The following TIAM2 variants were observed in gnomAD, a reference collection of about 807,000 sequenced individuals.
TIAM2 encodes rho guanine nucleotide exchange factor TIAM2.
Under a neutral mutation model 152.9 loss-of-function variants are expected in TIAM2, and 80 were observed. That is an observed-to-expected ratio of 0.52 (90% confidence interval 0.44 to 0.63). The LOEUF is 0.63. TIAM2 is among the 30% of genes least tolerant of loss of function. The pLI is 0.00. For missense variants in TIAM2, 1,965 were observed against 2,120.1 expected (o/e 0.93, Z 1.44); for synonymous variants, 804 against 838.0 (o/e 0.96, Z 0.70).
At chr6:155,075,134 A>G (rs571331751) in intron 1 of TIAM2, among the ~76,000 whole-genome samples, 1 of 152,182 alleles carries the variant, frequency 6.6e-6, no homozygotes, top group East Asian at 1.9e-4. Context: ...GCGGGAAGGG[A>G]CTAAATGTAG....
intron 1 of TIAM2, among the ~76,000 whole-genome samples, chr6:155,040,856 G>A (rs1777013104): frequency 1.3e-5 from 2 of 152,244 alleles, no homozygotes; most frequent in South Asian, 4.1e-4. Context: ...AAAAAACAGA[G>A]CTTTTGGAAG....
chr6:155,144,261 C>CT (rs1053256864), intron 5 of TIAM2, among the ~76,000 whole-genome samples: 3 of 152,198 alleles, frequency 2.0e-5, no homozygotes, highest in Non-Finnish European at 2.9e-5. Flanking sequence ...GTCCTAGATA[C>CT]TTTTTGGGTC....
chr6:155,042,805 A>G (rs1013375035), intron 1 of TIAM2, among the ~76,000 whole-genome samples: 12 of 152,138 alleles, frequency 7.9e-5, no homozygotes, highest in African/African-American at 2.9e-4. Flanking sequence ...GCATTTTTCA[A>G]GTATACAACA....
At chr6:155,196,023 C>T (rs1781338872) in intron 14 of TIAM2, among the ~76,000 whole-genome samples, 1 of 152,172 alleles carries the variant, frequency 6.6e-6, no homozygotes, top group Admixed American at 6.5e-5. Flanking sequence ...GAAGTAGTGA[C>T]ATGATCTGAC....
At chr6:155,062,446 T>A (rs1053104410) in intron 1 of TIAM2, among the ~76,000 whole-genome samples, 7 of 152,200 alleles carry the variant, frequency 4.6e-5, no homozygotes, top group Non-Finnish European at 4.4e-5. Context: ...TATTATTTTG[T>A]ATTCACATCT....
At chr6:155,050,273 G>A (rs1312014438) in intron 1 of TIAM2, among the ~76,000 whole-genome samples, 1 of 152,116 alleles carries the variant, frequency 6.6e-6, no homozygotes, top group African/African-American at 2.4e-5. Flanking sequence ...TGATCCACCT[G>A]CCTCAGCCTC....
chr6:155,252,143 TA>T (rs1783700910), intron 23 of TIAM2, 140 bp downstream of exon 23: 1 of 643,848 alleles, frequency 1.6e-6, no homozygotes, highest in African/African-American at 1.8e-5. Flanking sequence ...CCCCATCACA[TA>T]CTGAGAGCGT....
chr6:155,006,378 C>T (rs987380764), intron 1 of TIAM2, among the ~76,000 whole-genome samples: 1 of 151,398 alleles, frequency 6.6e-6, no homozygotes, highest in Non-Finnish European at 1.5e-5. Context: ...TTTTTCAAAT[C>T]GGAGTCTCGA....
intron 7 of TIAM2, among the ~76,000 whole-genome samples, chr6:155,157,630 T>G (rs896030055): frequency 6.6e-5 from 10 of 152,134 alleles, no homozygotes; most frequent in African/African-American, 2.4e-4. Flanking sequence ...TCCGTATAAG[T>G]ACCGTGCACT....
chr6:155,129,327 T>G lies in TIAM2; in HGVS notation c.104T>G (p.Ile35Ser). 6.2e-7 allele frequency: 1 copy of G among 1,614,180 alleles called. No individual in the cohort carries two copies. The highest frequency in any genetic ancestry group is 8.5e-7 in the Non-Finnish European group (1 of 1,180,044). Residue 35 changes from isoleucine (I) to serine (S), a missense_variant, in exon 4 of 27, where the codon ATT (isoleucine) becomes AGT (serine). Physicochemically the swap from Ile to Ser is moderately radical, Grantham distance 142. This residue lies in a region of TIAM2 where 1,025 missense variants were observed against 1,119.4 expected (regional missense o/e 0.92). Coordinates refer to ENST00000682666, the MANE Select transcript of TIAM2 (RefSeq NM_012454.4). This position sits in a 1 kb window ranked among gnomAD's most constrained non-coding sequence, Gnocchi z 4.8. ...QIPCSLKIRG[I>S]HAKEEKSLHG... ...CCTTGCTCCCTGAAAATACGTGGCATTCATGCAAAAGAGGAAAAGTCATTG... is the reference window on the plus strand; with the variant it reads ...CCTTGCTCCCTGAAAATACGTGGCAGTCATGCAAAAGAGGAAAAGTCATTG...
At chr6:155,162,140 T>C (rs190686042) in intron 7 of TIAM2, among the ~76,000 whole-genome samples, 1 of 152,022 alleles carries the variant, frequency 6.6e-6, no homozygotes, top group East Asian at 1.9e-4. Context: ...GTATTTTTTG[T>C]AGAGACAGGA....
intron 15 of TIAM2, 68 bp from the exon 16 acceptor site, chr6:155,240,462 C>A: frequency 6.6e-7 from 1 of 1,504,884 alleles, no homozygotes; most frequent in Non-Finnish European, 9.0e-7. Context: ...CACTTGGTGC[C>A]CTTGGGGGCA....
At chr6:155,081,452 T>C (rs1262275751) in intron 1 of TIAM2, among the ~76,000 whole-genome samples, 1 of 151,956 alleles carries the variant, frequency 6.6e-6, no homozygotes, top group East Asian at 1.9e-4. Flanking sequence ...CATGCCACTT[T>C]TCAGAAATTA....
chr6:155,043,219 C>T (rs1158419315), intron 1 of TIAM2, among the ~76,000 whole-genome samples: 1 of 152,100 alleles, frequency 6.6e-6, no homozygotes. Context: ...TTCCACAGAG[C>T]CAGGGGGCTT....
At chr6:155,243,271 C>T (rs992441384) in intron 16 of TIAM2, among the ~76,000 whole-genome samples, 1 of 152,130 alleles carries the variant, frequency 6.6e-6, no homozygotes, top group African/African-American at 2.4e-5. Flanking sequence ...CAGAACTTGA[C>T]CCTCCCAGCT....
chr6:155,152,111 G>T (rs1173705577), intron 7 of TIAM2, among the ~76,000 whole-genome samples: 2 of 152,106 alleles, frequency 1.3e-5, no homozygotes, highest in African/African-American at 4.8e-5. Flanking sequence ...CCAAAGTGCT[G>T]GGATTACAGG....
At chr6:155,088,076 A>G (rs1778214836) in intron 1 of TIAM2, among the ~76,000 whole-genome samples, 1 of 109,984 alleles carries the variant, frequency 9.1e-6, no homozygotes, top group Admixed American at 1.1e-4. Context: ...TTTTTTTGAG[A>G]CGTAGTTTTG....
At chr6:155,077,971 A>G (rs938295189) in intron 1 of TIAM2, among the ~76,000 whole-genome samples, 2 of 152,220 alleles carry the variant, frequency 1.3e-5, no homozygotes, top group Admixed American at 6.5e-5. Context: ...CTGCTTTGCA[A>G]TTAATCCTTG....
At chr6:155,064,710 G>C (rs760601433) in intron 1 of TIAM2, among the ~76,000 whole-genome samples, 14 of 152,164 alleles carry the variant, frequency 9.2e-5, no homozygotes, top group Non-Finnish European at 1.9e-4. Flanking sequence ...CTAATAACTT[G>C]TGTGCATGCA....
Sources: allele counts gnomAD v4.1 joint callset (sites outside exome capture counted in the v4.1 genomes callset), GRCh38; gene constraint gnomAD v4.1.1; regional missense constraint gnomAD v4.1.1; non-coding constraint Gnocchi (gnomAD v3.1); transcripts MANE v1.5; gene names NCBI Gene and HGNC (gene_info 2026-07-23, HGNC 2026-07-21).